TUBA1A: variants seen among roughly 807,000 people sequenced by gnomAD.
TUBA1A encodes the protein tubulin alpha 1a.
TUBA1A carries 7 observed loss-of-function variants against 34.6 expected under a neutral mutation model. That is an observed-to-expected ratio of 0.20 (90% CI 0.11 to 0.38). The LOEUF (loss-of-function observed/expected upper bound fraction) is 0.38, where lower values mean the gene tolerates loss of function less well. TUBA1A is among the 10% of genes least tolerant of loss of function. The pLI is 1.00. For missense variants in TUBA1A, 19 were observed against 581.3 expected (o/e 0.03, Z 9.95); for synonymous variants, 193 against 210.2 (o/e 0.92, Z 0.71).
In TUBA1A at chr12:49,188,559, G is replaced by C; in HGVS notation, c.3+418C>G. On this transcript the variant is annotated intron_variant, in intron 1 of 3. Coordinates refer to ENST00000301071, the MANE Select transcript of TUBA1A (RefSeq NM_006009.4). The surrounding 1 kb of genome is among the most constrained non-coding windows in gnomAD (Gnocchi z 4.9). ...CGCCCAACGCCCCCGCTCTTTTTGG[G>C]TGCCTCCTCCTCTCCCGGTCCCCAG... The C allele has an allele frequency of 1.3e-6, 2 of 1,487,518 alleles. No individual in the cohort carries two copies. The highest frequency in any genetic ancestry group is 1.8e-6 in the Non-Finnish European group (2 of 1,119,584). 92.1% of individuals were successfully genotyped at this position (1,487,518 alleles called of 1,614,324 possible). A position where few individuals can be genotyped will look rare whatever the true frequency, so the allele number is the denominator to read the frequency against.
rs749139359 is a variant in TUBA1A, at chr12:49,186,334, G to A, written c.351C>T (p.Leu117=). The A allele has an allele frequency of 9.3e-6, 15 of 1,613,410 alleles. No homozygotes were observed. The highest frequency in any genetic ancestry group is 1.8e-4 in the Middle Eastern group (1 of 5,542). Residue 117 remains leucine (L), a synonymous_variant, in exon 3 of 4, where the codon CTC becomes CTT. Transcript: ENST00000301071. This position sits in a 1 kb window ranked among gnomAD's most constrained non-coding sequence, Gnocchi z 6.6. ...CCAGCTTGCGAATTCGGTCCAACAC[G>A]AGGTCAATGATCTCCTTGCCAATGG... is the stretch of plus-strand genomic sequence containing the variant. ...HYTIGKEIID[L]VLDRIRKLAD...
chr12:49,188,465 G>T lies in TUBA1A; in HGVS notation c.3+512C>A, dbSNP rs1165893739. ...GTATCTTTCCAAAACGCCAAAGACC[G>T]CGGAGGGTCTTCCCACGCTAACCCT... On this transcript the variant is annotated intron_variant, in intron 1 of 3. Transcript: ENST00000301071. The surrounding 1 kb of genome is among the most constrained non-coding windows in gnomAD (Gnocchi z 4.9). 8 of 1,535,430 alleles carry T rather than the reference G, an allele frequency of 5.2e-6. No individual in the cohort carries two copies. Among genetic ancestry groups the T allele is most frequent in the Middle Eastern group, 1.7e-4 (1 of 5,976 alleles).
At chr12:49,187,259 T>G (rs1044206245) in intron 1 of TUBA1A, 1 of 1,100,002 alleles carries the variant, frequency 9.1e-7, no homozygotes. Context: ...TCCGGACATC[T>G]GTACTGCAGC....
At position 49,188,013 on chromosome 12, in the gene TUBA1A, C is replaced by G. The variant is rs1249546732; in HGVS notation, c.3+964G>C. ...TCCCTCGCTGAACGTGCAGTCCAGA[C>G]AGACAGACAGACACACACACACACA... On this transcript the variant is annotated intron_variant, in intron 1 of 3. Coordinates refer to ENST00000301071, the MANE Select transcript of TUBA1A (RefSeq NM_006009.4). The surrounding 1 kb of genome is among the most constrained non-coding windows in gnomAD (Gnocchi z 4.9). 1.1e-5 allele frequency: 11 copies of G among 978,450 alleles called. No individual in the cohort carries two copies. In the South Asian group the frequency reaches 1.9e-4, roughly 17 times the overall value. 60.6% of individuals were successfully genotyped at this position (978,450 alleles called of 1,614,324 possible).
At chr12:49,187,797 A>G in intron 1 of TUBA1A, 1 of 984,174 alleles carries the variant, frequency 1.0e-6, no homozygotes, top group Non-Finnish European at 1.2e-6. Context: ...TCATCCTGAG[A>G]TTCTCTACCC....
Position 49,185,151 on chromosome 12 carries a change from A to C in TUBA1A, c.1215T>G (p.Val405=). 6.2e-7 allele frequency: 1 copy of C among 1,614,212 alleles called. No individual in the cohort carries two copies. Among genetic ancestry groups the C allele is most frequent in the South Asian group, 1.1e-5 (1 of 91,084 alleles). The change falls in exon 4 of 4, where the codon GTT becomes GTG. Residue 405 remains valine, a synonymous_variant. Coordinates refer to ENST00000301071, the MANE Select transcript of TUBA1A (RefSeq NM_006009.4). ...CCATCCCCTCCCCAACGTACCAGTG[A>C]ACAAAGGCACGTTTGGCATACATCA... The part of the protein sequence containing the change: ...FDLMYAKRAF[V]HWYVGEGMEE...
At position 49,185,031 on chromosome 12, in the gene TUBA1A, C is replaced by T. The variant is rs746276826; in HGVS notation, c.1335G>A (p.Glu445=). The change falls in exon 4 of 4, where the codon GAG becomes GAA. Residue 445 remains glutamate, a synonymous_variant. Transcript: ENST00000301071. ...AACTTTAGTATTCCTCTCCTTCTTC[C>T]TCACCCTCTCCTTCAACAGAATCCA... ...VGVDSVEGEG[E]EEGEEY 3 of 1,614,114 alleles carry T rather than the reference C, an allele frequency of 1.9e-6. No individual in the cohort carries two copies. Among genetic ancestry groups the T allele is most frequent in the Non-Finnish European group, 2.5e-6 (3 of 1,180,000 alleles).
At position 49,187,915 on chromosome 12, in the gene TUBA1A, G is replaced by A. The variant is rs1942200632; in HGVS notation, c.3+1062C>T. 15 of 983,374 alleles carry A rather than the reference G, an allele frequency of 1.5e-5. No homozygotes were observed. In the Admixed American group the frequency reaches 4.4e-4, roughly 29 times the overall value. The allele number at this position is 983,374 out of a possible 1,614,324, so 60.9% of individuals were successfully genotyped here. On this transcript the variant is annotated intron_variant, in intron 1 of 3. Transcript: ENST00000301071. Reference sequence around the variant, plus strand: ...CGCTGATGTGGTGGGGGCGGGGCGGGGGGGCGGCGGGGAAGGGCGTTTCCC... The same window carrying A: ...CGCTGATGTGGTGGGGGCGGGGCGGAGGGGCGGCGGGGAAGGGCGTTTCCC...
Position 49,188,940 on chromosome 12 carries a change from C to A in TUBA1A, c.3+37G>T, listed in dbSNP as rs1404125082. ...AAGTAGAGCCTGGGGGCGCTGACTC[C>A]ACCCAACGGCCACAAAGAGCCGAAG... On this transcript the variant is annotated intron_variant, in intron 1 of 3. Transcript: ENST00000301071. The surrounding 1 kb of genome is among the most constrained non-coding windows in gnomAD (Gnocchi z 4.9). 3 of 1,614,198 alleles carry A rather than the reference C, an allele frequency of 1.9e-6. No individual in the cohort carries two copies. The South Asian group carries it at 3.3e-5, about 18-fold the overall frequency.
Position 49,184,859 on chromosome 12 carries a change from A to G in TUBA1A, c.*151T>C. 7.6e-7 allele frequency: 1 copy of G among 1,317,812 alleles called. No homozygotes were observed. The highest frequency in any genetic ancestry group is 1.1e-6 in the Non-Finnish European group (1 of 923,058). 81.6% of individuals were successfully genotyped at this position (1,317,812 alleles called of 1,614,324 possible). A position where few individuals can be genotyped will look rare whatever the true frequency, so the allele number is the denominator to read the frequency against. On this transcript the variant is annotated 3_prime_UTR_variant, in exon 4 of 4. Coordinates refer to ENST00000301071, the MANE Select transcript of TUBA1A (RefSeq NM_006009.4). ...CAGAAATGGACAGCTTGGGTCTGTA[A>G]CAAAGCATTCATGTTTTAGAGCATA...
chr12:49,185,037 C>T lies in TUBA1A; in HGVS notation c.1329G>A (p.Glu443=), dbSNP rs775885354. 37 of 1,614,076 alleles carry T rather than the reference C, an allele frequency of 2.3e-5. No individual in the cohort carries two copies. In the East Asian group the frequency reaches 6.9e-4, roughly 30 times the overall value. ...AGTATTCCTCTCCTTCTTCCTCACCCTCTCCTTCAACAGAATCCACACCAA... is the reference window on the plus strand; with the variant it reads ...AGTATTCCTCTCCTTCTTCCTCACCTTCTCCTTCAACAGAATCCACACCAA... ...EEVGVDSVEG[E]GEEEGEEY is the part of the protein sequence containing the mutation. Residue 443 remains glutamate, a synonymous_variant, in exon 4 of 4, where the codon GAG becomes GAA. Coordinates refer to ENST00000301071, the MANE Select transcript of TUBA1A (RefSeq NM_006009.4).
At position 49,186,012 on chromosome 12, in the gene TUBA1A, G is replaced by C. The variant is rs768691888; in HGVS notation, c.376-22C>G. 1 of 1,614,054 alleles carries C rather than the reference G, an allele frequency of 6.2e-7. No homozygotes were observed. Among genetic ancestry groups the C allele is most frequent in the Non-Finnish European group, 8.5e-7 (1 of 1,180,002 alleles). On this transcript the variant is annotated intron_variant, in intron 3 of 3. Transcript: ENST00000301071. This position sits in a 1 kb window ranked among gnomAD's most constrained non-coding sequence, Gnocchi z 6.6. ...CGGCCTATAACAAAAGAGAGGAACA[G>C]AGGAAAGGTTAAGTTTTTATTCTTT...
At position 49,185,949 on chromosome 12, in the gene TUBA1A, G is replaced by A; in HGVS notation, c.417C>T (p.His139=). The change falls in exon 4 of 4, where the codon CAC becomes CAT. Residue 139 remains histidine (H), a synonymous_variant. Transcript: ENST00000301071. ...CTGLQGFLVF[H]SFGGGTGSGF... ...CAGAACCAGTTCCCCCACCAAAGCT[G>A]TGGAAAACCAAGAAGCCCTGGAGAC... 6.2e-7 allele frequency: 1 copy of A among 1,614,158 alleles called. No homozygotes were observed. Among genetic ancestry groups the A allele is most frequent in the Non-Finnish European group, 8.5e-7 (1 of 1,180,042 alleles).
Position 49,188,266 on chromosome 12 carries a change from T to C in TUBA1A, c.3+711A>G. 1.4e-6 allele frequency: 2 copies of C among 1,396,642 alleles called. No homozygotes were observed. Among genetic ancestry groups the C allele is most frequent in the Non-Finnish European group, 1.9e-6 (2 of 1,075,320 alleles). The allele number at this position is 1,396,642 out of a possible 1,614,324, so 86.5% of individuals were successfully genotyped here. A position where few individuals can be genotyped will look rare whatever the true frequency, so the allele number is the denominator to read the frequency against. On this transcript the variant is annotated intron_variant, in intron 1 of 3. Coordinates refer to ENST00000301071, the MANE Select transcript of TUBA1A (RefSeq NM_006009.4). This position sits in a 1 kb window ranked among gnomAD's most constrained non-coding sequence, Gnocchi z 4.9. ...ACAGTTCCGCAATGATGAAAGGTTT[T>C]TTTGTTTTTTTTTCAGTCAGCTCCT...
Position 49,188,575 on chromosome 12 carries a change from C to G in TUBA1A, c.3+402G>C. The G allele has an allele frequency of 2.0e-6, 3 of 1,472,312 alleles. No individual in the cohort carries two copies. The highest frequency in any genetic ancestry group is 2.7e-6 in the Non-Finnish European group (3 of 1,114,156). The allele number at this position is 1,472,312 out of a possible 1,614,324, so 91.2% of individuals were successfully genotyped here. ...TCTTTTTGGGTGCCTCCTCCTCTCC[C>G]GGTCCCCAGAGAACAACGCGAGACA... On this transcript the variant is annotated intron_variant, in intron 1 of 3. Transcript: ENST00000301071. This position sits in a 1 kb window ranked among gnomAD's most constrained non-coding sequence, Gnocchi z 4.9.
Position 49,188,769 on chromosome 12 carries a change from G to T in TUBA1A, c.3+208C>A. On this transcript the variant is annotated intron_variant, in intron 1 of 3. Coordinates refer to ENST00000301071, the MANE Select transcript of TUBA1A (RefSeq NM_006009.4). The surrounding 1 kb of genome is among the most constrained non-coding windows in gnomAD (Gnocchi z 4.9). The stretch of plus-strand genomic sequence containing the variant: ...TTGTTCCTCCCCAGCGCTCTGCTGC[G>T]CCCTGGGCGCAGTACTGGCCCGGTT... 1 of 1,536,340 alleles carries T rather than the reference G, an allele frequency of 6.5e-7. No homozygotes were observed. Among genetic ancestry groups the T allele is most frequent in the South Asian group, 1.2e-5 (1 of 83,614 alleles).
rs1942220854 is a variant in TUBA1A at position 49,189,035 on chromosome 12, G to T, written c.-56C>A. The T allele has an allele frequency of 6.2e-7, 1 of 1,611,516 alleles. No homozygotes were observed. Among genetic ancestry groups the T allele is most frequent in the Non-Finnish European group, 8.5e-7 (1 of 1,177,646 alleles). On this transcript the variant is annotated 5_prime_UTR_variant, in exon 1 of 4. Transcript: ENST00000301071. ...GCGGAGACGAAGAGGAGAGGTTGTTGCTTCTTACAGCGCGACTCTTAGGCG... is the reference window on the plus strand; with the variant it reads ...GCGGAGACGAAGAGGAGAGGTTGTTTCTTCTTACAGCGCGACTCTTAGGCG...
At position 49,188,308 on chromosome 12, in the gene TUBA1A, T is replaced by A; in HGVS notation, c.3+669A>T. 2 of 1,492,142 alleles carry A rather than the reference T, an allele frequency of 1.3e-6. No individual in the cohort carries two copies. Among genetic ancestry groups the A allele is most frequent in the African/African-American group, 1.4e-5 (1 of 71,286 alleles). 92.4% of individuals were successfully genotyped at this position (1,492,142 alleles called of 1,614,324 possible). A position where few individuals can be genotyped will look rare whatever the true frequency, so the allele number is the denominator to read the frequency against. On this transcript the variant is annotated intron_variant, in intron 1 of 3. Transcript: ENST00000301071. The surrounding 1 kb of genome is among the most constrained non-coding windows in gnomAD (Gnocchi z 4.9). ...TCAGCTCCTGACAGAAGAGGTTCAG[T>A]GAGGGCGAACCCCGCCCAGTGGCTC...
Position 49,186,218 on chromosome 12 carries a change from A to C in TUBA1A, c.375+92T>G, listed in dbSNP as rs1303413035. 14 of 1,610,386 alleles carry C rather than the reference A, an allele frequency of 8.7e-6. No homozygotes were observed. The highest frequency in any genetic ancestry group is 1.2e-5 in the Non-Finnish European group (14 of 1,178,690). On this transcript the variant is annotated intron_variant, in intron 3 of 3. Transcript: ENST00000301071. This position sits in a 1 kb window ranked among gnomAD's most constrained non-coding sequence, Gnocchi z 6.6. ...GACTCATTCCACTCTTTATTAAAAT[A>C]ACAGTTCAATTCTGTGTTTGAAAAA...
Sources: gnomAD v4.1 joint callset for allele counts on GRCh38, gnomAD v4.1.1 for gene constraint, Gnocchi (gnomAD v3.1) non-coding constraint, MANE v1.5 for transcripts, NCBI Gene and HGNC (gene_info 2026-07-23, HGNC 2026-07-21) for gene names.